The following MYH10 variants were observed in gnomAD, a reference collection of about 807,000 sequenced individuals.
The protein encoded by MYH10 is myosin heavy chain 10, also known as myosin-10.
MYH10 carries 55 observed loss-of-function variants against 257.8 expected under a neutral mutation model. The ratio of observed to expected loss-of-function variants is 0.21; its 90% CI spans 0.17 to 0.27. The LOEUF (loss-of-function observed/expected upper bound fraction) is 0.27. Ranked by LOEUF, MYH10 falls within the 10% of genes least tolerant of loss-of-function variation. The pLI, the probability that MYH10 is intolerant of heterozygous loss-of-function variation, is 1.00. For synonymous variants in MYH10, 854 were observed against 921.7 expected (o/e 0.93, Z 1.33); for missense variants, 1,631 against 2,500.6 (o/e 0.65, Z 7.42).
chr17:8,597,501 C>T (rs1416212618), intron 3 of MYH10, among the ~76,000 whole-genome samples: 1 of 151,862 alleles, frequency 6.6e-6, no homozygotes, highest in Non-Finnish European at 1.5e-5. Flanking sequence ...TCTTATTCTA[C>T]TGTGTATTTC....
intron 9 of MYH10, among the ~76,000 whole-genome samples, chr17:8,550,352 A>C (rs1180176093): frequency 6.7e-6 from 1 of 149,936 alleles, no homozygotes; most frequent in African/African-American, 2.5e-5. Context: ...CCCGTCTGGG[A>C]TGTGAGGAGC....
intron 3 of MYH10, among the ~76,000 whole-genome samples, chr17:8,589,648 G>A (rs189749838): frequency 1.3e-5 from 2 of 152,268 alleles, no homozygotes; most frequent in East Asian, 3.9e-4. Context: ...TAAACACTGA[G>A]TGGAAAGAAA....
At chr17:8,530,873 A>T (rs1463460222) in intron 16 of MYH10, among the ~76,000 whole-genome samples, 188 bp from the exon 17 acceptor site, 1 of 152,250 alleles carries the variant, frequency 6.6e-6, no homozygotes, top group Non-Finnish European at 1.5e-5. Flanking sequence ...TCTTTATAAA[A>T]TAGATTAATG....
chr17:8,570,073 C>A (rs1159251160), intron 6 of MYH10, among the ~76,000 whole-genome samples: 1 of 152,160 alleles, frequency 6.6e-6, no homozygotes, highest in Admixed American at 6.5e-5. Flanking sequence ...TCAACTTAAG[C>A]ATGGGGCACG....
chr17:8,513,605 A>G lies in MYH10; in HGVS notation c.2678T>C (p.Leu893Ser). 6.2e-7 allele frequency: 1 copy of G among 1,613,910 alleles called. No homozygotes were observed. The highest frequency in any genetic ancestry group is 2.2e-5 in the East Asian group (1 of 44,884). ...EELQAKDEEL[L>S]KVKEKQTKVE... ...CTTCGTCTGCTTCTCCTTCACCTTC[A>G]ACAGCTCTTCATCTTTGGCCTGAAG... The change falls in exon 23 of 43, where the codon TTG becomes TCG. Residue 893 changes from leucine to serine, a missense_variant. Coordinates refer to ENST00000360416, the MANE Select transcript of MYH10 (RefSeq NM_001256012.3).
rs554191389 is a variant in MYH10, at chr17:8,542,865, ACT to A, written c.1432-587_1432-586del. 2.7e-3 allele frequency among the ~76,000 whole-genome samples: 417 copies of A among 152,012 alleles called. 1 individual carries two copies. The highest frequency in any genetic ancestry group is 4.5e-3 in the Non-Finnish European group (307 of 67,958). ...GCACATGGAATGCGCTTAGTATGAG[ACT>A]CTCTATCGTTTCTCTAAGCATTCCC... On this transcript the variant is annotated intron_variant, in intron 13 of 42. Coordinates refer to ENST00000360416, the MANE Select transcript of MYH10 (RefSeq NM_001256012.3).
intron 8 of MYH10, among the ~76,000 whole-genome samples, chr17:8,553,751 A>G (rs148133308): frequency 2.0e-4 from 30 of 152,302 alleles, no homozygotes; most frequent in African/African-American, 6.7e-4. Context: ...AGCCATGTGA[A>G]TAAGTTATGG....
chr17:8,614,303 ACTT>A (rs971013761), intron 2 of MYH10, among the ~76,000 whole-genome samples: 5 of 113,968 alleles, frequency 4.4e-5, no homozygotes, highest in African/African-American at 1.5e-4. Flanking sequence ...TAAGCAATTC[ACTT>A]CTTTTTTTTT....
chr17:8,480,865 G>C (rs1913630661), intron 38 of MYH10, among the ~76,000 whole-genome samples: 1 of 75,910 alleles, frequency 1.3e-5, no homozygotes, highest in Non-Finnish European at 2.9e-5. Flanking sequence ...CCCCACCGCT[G>C]AAACTCTTCA....
At chr17:8,495,942 C>T (rs1567796854) in intron 30 of MYH10, among the ~76,000 whole-genome samples, 1 of 152,132 alleles carries the variant, frequency 6.6e-6, no homozygotes, top group African/African-American at 2.4e-5. Context: ...AACTCCTGAC[C>T]TCCTGATCTG....
Position 8,613,637 on chromosome 17 carries a change from C to T in MYH10, c.346-8655G>A, listed in dbSNP as rs926282343. 7.9e-5 allele frequency among the ~76,000 whole-genome samples: 12 copies of T among 151,900 alleles called. No homozygotes were observed. The South Asian group carries it at 1.7e-3, about 21-fold the overall frequency. On this transcript the variant is annotated intron_variant, in intron 2 of 42. Coordinates refer to ENST00000360416, the MANE Select transcript of MYH10 (RefSeq NM_001256012.3). Reference sequence around the variant, plus strand: ...ACAGAATAATAAAAATTATAACCAACGGACAAAAAGATTAAAAAATAAACA... The same window carrying T: ...ACAGAATAATAAAAATTATAACCAATGGACAAAAAGATTAAAAAATAAACA...
In MYH10 at chr17:8,547,575, G is replaced by C. The variant is rs144491972; in HGVS notation, c.1159+738C>G. ...CGATTATTTCAAGGGCAGATAATGTGACTTTATGTCAGCCTTCACCCGCCA... is the reference window on the plus strand; with the variant it reads ...CGATTATTTCAAGGGCAGATAATGTCACTTTATGTCAGCCTTCACCCGCCA... On this transcript the variant is annotated intron_variant, in intron 11 of 42. Transcript: ENST00000360416. 2.7e-3 allele frequency among the ~76,000 whole-genome samples: 415 copies of C among 151,772 alleles called. 1 individual carries two copies. Among genetic ancestry groups the C allele is most frequent in the African/African-American group, 9.7e-3 (403 of 41,378 alleles).
chr17:8,490,369 C>T lies in MYH10; in HGVS notation c.4855G>A (p.Glu1619Lys). The stretch of plus-strand genomic sequence containing the variant: ...TTGATCAGCAGCCGCTTCTTCTCTT[C>T]ATTCTGCTCATCCCTGGTTTGCAGG... ...RDLQTRDEQN[E>K]EKKRLLIKQV... Residue 1619 changes from glutamate (E) to lysine (K), a missense_variant, in exon 35 of 43, where the codon GAA becomes AAA. Transcript: ENST00000360416. The surrounding 1 kb of genome is among the most constrained non-coding windows in gnomAD (Gnocchi z 4.1). 1.2e-6 allele frequency: 2 copies of T among 1,614,134 alleles called. No homozygotes were observed. The highest frequency in any genetic ancestry group is 1.6e-4 in the Middle Eastern group (1 of 6,062).
rs150581312 is a variant in MYH10, at chr17:8,492,346, C to T, written c.4622G>A (p.Arg1541Gln). The change falls in exon 34 of 43, where the codon CGA becomes CAA. Residue 1541 changes from arginine (R) to glutamine (Q), a missense_variant. Transcript: ENST00000360416. ...GCTCATGAGGTCTTCCATGTCTGCT[C>T]GGAGCTGCTTGTTCTGCCTCTCAAA... ...EEFERQNKQL[R>Q]ADMEDLMSSK... 8.1e-6 allele frequency: 13 copies of T among 1,613,618 alleles called. No individual in the cohort carries two copies. Among genetic ancestry groups the T allele is most frequent in the African/African-American group, 1.3e-5 (1 of 74,924 alleles).
intron 4 of MYH10, among the ~76,000 whole-genome samples, chr17:8,586,037 C>G (rs1247593702): frequency 6.6e-6 from 1 of 152,118 alleles, no homozygotes; most frequent in Non-Finnish European, 1.5e-5. Context: ...TAAACTTTAG[C>G]AGGACCCCCC....
intron 2 of MYH10, among the ~76,000 whole-genome samples, chr17:8,621,483 C>T (rs1481224993): frequency 2.6e-5 from 4 of 152,130 alleles, no homozygotes. Flanking sequence ...GAGACAATCC[C>T]ATGGTCTGGC....
At chr17:8,508,474 A>C (rs1225454265) in intron 26 of MYH10, 80 bp downstream of exon 26, 1 of 1,569,490 alleles carries the variant, frequency 6.4e-7, no homozygotes, top group Non-Finnish European at 8.7e-7. Context: ...TATATTTTTT[A>C]TTTTTGCATG....
chr17:8,612,125 G>A (rs2085064178), intron 2 of MYH10, among the ~76,000 whole-genome samples: 1 of 152,172 alleles, frequency 6.6e-6, no homozygotes, highest in Non-Finnish European at 1.5e-5. Context: ...CCTTCGTCCA[G>A]CATCATCATG....
intron 7 of MYH10, among the ~76,000 whole-genome samples, chr17:8,563,434 A>G (rs1030332633): frequency 6.6e-6 from 1 of 152,222 alleles, no homozygotes; most frequent in Non-Finnish European, 1.5e-5. Context: ...ATAAAAACAA[A>G]GAAAGATATA....
Sources: gnomAD v4.1 joint callset for allele counts (sites outside exome capture counted in the v4.1 genomes callset) on GRCh38, gnomAD v4.1.1 for gene constraint, Gnocchi (gnomAD v3.1) non-coding constraint, MANE v1.5 for transcripts, NCBI Gene and HGNC (gene_info 2026-07-23, HGNC 2026-07-21) for gene names.